The following PPP6R3 variants were observed in gnomAD, a reference collection of about 807,000 sequenced individuals.
The protein encoded by PPP6R3 is serine/threonine-protein phosphatase 6 regulatory subunit 3.
A neutral mutation model predicts 110.7 loss-of-function variants in PPP6R3; 38 were observed. The observed-to-expected ratio is 0.34, with a 90% confidence interval of 0.26 to 0.45. PPP6R3 has a LOEUF of 0.45. Among genes scored for constraint, PPP6R3 ranks in the 20% least tolerant of loss-of-function variants. PPP6R3 has a pLI of 1.00. For synonymous variants in PPP6R3, 369 were observed against 373.5 expected, an observed-to-expected ratio of 0.99 and a Z score of 0.14; for missense variants, 870 against 1,062.4, an observed-to-expected ratio of 0.82 and a Z score of 2.52.
At chr11:68,551,924 C>A (rs2099382467) in intron 6 of PPP6R3, among the ~76,000 whole-genome samples, 1 of 152,192 alleles carries the variant, frequency 6.6e-6, no homozygotes, top group Admixed American at 6.5e-5. Context: ...CTTTGTTATA[C>A]TTCCTAGCCG....
chr11:68,521,454 A>G (rs2153578213), intron 2 of PPP6R3, among the ~76,000 whole-genome samples: 2 of 152,148 alleles, frequency 1.3e-5, no homozygotes, highest in East Asian at 3.9e-4. Context: ...CAGCTTGTGG[A>G]ACAATTTCTT....
chr11:68,531,324 T>TTTAG (rs1306196738), intron 2 of PPP6R3, among the ~76,000 whole-genome samples: 1 of 148,008 alleles, frequency 6.8e-6, no homozygotes, highest in Non-Finnish European at 1.5e-5. Flanking sequence ...TATTTATTTA[T>TTTAG]TTATTTATTT....
In PPP6R3 at chr11:68,560,042, A is replaced by G. The variant is rs2153729354; in HGVS notation, c.845+1363A>G. On this transcript the variant is annotated intron_variant, in intron 8 of 23. Coordinates refer to ENST00000393800, the MANE Select transcript of PPP6R3 (RefSeq NM_001164161.2). ...CATGCTACAAGGCCATCATTGCATT[A>G]TGGAATGCTGTTAAAGCAGTAGAAG... is the stretch of plus-strand genomic sequence containing the variant. Among the ~76,000 whole-genome samples, 3 of 152,314 alleles carry G rather than the reference A, an allele frequency of 2.0e-5. No homozygotes were observed. In the South Asian group the frequency reaches 6.2e-4, roughly 32 times the overall value.
intron 1 of PPP6R3, among the ~76,000 whole-genome samples, chr11:68,477,741 A>AAAAAAAAATATATATATATAT: frequency 8.6e-5 from 5 of 57,908 alleles, no homozygotes; most frequent in African/African-American, 3.6e-4. Context: ...AAAAAAAAAA[A>AAAAAAAAATATATATATATAT]ATATATATAT....
At chr11:68,597,006 T>G (rs950169399) in intron 19 of PPP6R3, among the ~76,000 whole-genome samples, 3 of 152,148 alleles carry the variant, frequency 2.0e-5, no homozygotes, top group Non-Finnish European at 2.9e-5. Flanking sequence ...AGAAGAGAGA[T>G]CTTCTTTCTG....
In PPP6R3 at chr11:68,524,165, C is replaced by T. The variant is rs542312098; in HGVS notation, c.-7+4514C>T. Reference sequence around the variant, plus strand: ...CAGGGCGCCTCCAATTGAGGGGCCTCTCATGAAGCCACAGACCTCATCTTT... The same window carrying T: ...CAGGGCGCCTCCAATTGAGGGGCCTTTCATGAAGCCACAGACCTCATCTTT... On this transcript the variant is annotated intron_variant, in intron 2 of 23. Coordinates refer to ENST00000393800, the MANE Select transcript of PPP6R3 (RefSeq NM_001164161.2). Among the ~76,000 whole-genome samples, 4 of 152,328 alleles carry T rather than the reference C, an allele frequency of 2.6e-5. No individual in the cohort carries two copies. The South Asian group carries it at 6.2e-4, about 24-fold the overall frequency.
chr11:68,532,399 C>T (rs1243569979), intron 2 of PPP6R3, among the ~76,000 whole-genome samples: 1 of 152,222 alleles, frequency 6.6e-6, no homozygotes, highest in Non-Finnish European at 1.5e-5. Flanking sequence ...GACCTGCTTT[C>T]TTAATCTTAG....
intron 1 of PPP6R3, among the ~76,000 whole-genome samples, chr11:68,495,797 A>G (rs915673425): frequency 2.6e-5 from 4 of 152,176 alleles, no homozygotes; most frequent in Non-Finnish European, 5.9e-5. Flanking sequence ...GTAGACATTT[A>G]TGTACAAATT....
In PPP6R3 at chr11:68,528,560, A is replaced by G. The variant is rs147798354; in HGVS notation, c.-7+8909A>G. ...TTATTGAGAGCTGCTTTTAAAGACC[A>G]GCTGCTTTTACTCCTTTGTGTTCCA... On this transcript the variant is annotated intron_variant, in intron 2 of 23. Coordinates refer to ENST00000393800, the MANE Select transcript of PPP6R3 (RefSeq NM_001164161.2). Among the ~76,000 whole-genome samples, 516 of 152,274 alleles carry G rather than the reference A, an allele frequency of 3.4e-3. 2 individuals carry two copies. The highest frequency in any genetic ancestry group is 0.012 in the African/African-American group (492 of 41,550).
chr11:68,585,991 C>T (rs1488172024), intron 15 of PPP6R3, among the ~76,000 whole-genome samples: 2 of 151,960 alleles, frequency 1.3e-5, no homozygotes, highest in East Asian at 1.9e-4. Flanking sequence ...GAGCTGGCTG[C>T]GATGGCATGC....
chr11:68,549,187 G>A (rs7927120), intron 5 of PPP6R3, among the ~76,000 whole-genome samples: 5 of 152,296 alleles, frequency 3.3e-5, no homozygotes, highest in South Asian at 2.1e-4. Context: ...CACTGCTCCC[G>A]GTCCCCCTCC....
chr11:68,460,936 G>C (rs1177602442), intron 1 of PPP6R3, 109 bp downstream of exon 1: 1 of 151,650 alleles, frequency 6.6e-6, no homozygotes, highest in East Asian at 1.9e-4. Context: ...GGGAGGGAAC[G>C]TCCCGGCCCC....
rs1025064525 is a variant in PPP6R3, at chr11:68,613,518, C to T, written c.*401C>T. The T allele has an allele frequency of 1.7e-5, 17 of 988,142 alleles. No individual in the cohort carries two copies. In the South Asian group the frequency reaches 2.8e-4, roughly 16 times the overall value. 61.2% of individuals were successfully genotyped at this position (988,142 alleles called of 1,614,324 possible). ...TTATTAGTGTGACCAAAGTATTAGG[C>T]GGTTTTCATACATTTTTCACCTTGT... On this transcript the variant is annotated 3_prime_UTR_variant, in exon 24 of 24. Coordinates refer to ENST00000393800, the MANE Select transcript of PPP6R3 (RefSeq NM_001164161.2).
At chr11:68,493,348 T>C (rs1172829619) in intron 1 of PPP6R3, among the ~76,000 whole-genome samples, 1 of 152,172 alleles carries the variant, frequency 6.6e-6, no homozygotes, top group Non-Finnish European at 1.5e-5. Flanking sequence ...ATCACTATTA[T>C]TCTTTGTATA....
intron 2 of PPP6R3, among the ~76,000 whole-genome samples, chr11:68,528,619 G>A (rs1230637844): frequency 1.3e-5 from 2 of 152,076 alleles, no homozygotes; most frequent in African/African-American, 4.8e-5. Flanking sequence ...ATTTCCCTGG[G>A]CATTGAGCTT....
At chr11:68,552,165 A>G (rs74764709) in intron 6 of PPP6R3, among the ~76,000 whole-genome samples, 1 of 136,008 alleles carries the variant, frequency 7.4e-6, no homozygotes, top group Non-Finnish European at 1.7e-5. Flanking sequence ...ACCTACAGAC[A>G]TGATAGTTCT....
chr11:68,505,720 A>G (rs2099072516), intron 1 of PPP6R3, among the ~76,000 whole-genome samples: 4 of 152,198 alleles, frequency 2.6e-5, no homozygotes, highest in African/African-American at 2.4e-5. Flanking sequence ...ACAAAAAACC[A>G]GCTCCTTTGC....
Position 68,540,781 on chromosome 11 carries a change from C to T in PPP6R3, c.227+2890C>T, listed in dbSNP as rs371455838. The stretch of plus-strand genomic sequence containing the variant: ...GAAAAAGAATTGAGCGATATTTCTC[C>T]CATTTGCTTTTGAAAGAAGAGAAAT... On this transcript the variant is annotated intron_variant, in intron 3 of 23. Coordinates refer to ENST00000393800, the MANE Select transcript of PPP6R3 (RefSeq NM_001164161.2). Among the ~76,000 whole-genome samples, 6 of 152,296 alleles carry T rather than the reference C, an allele frequency of 3.9e-5. No individual in the cohort carries two copies. The East Asian group carries it at 9.6e-4, about 24-fold the overall frequency.
Position 68,591,637 on chromosome 11 carries a change from G to T in PPP6R3, c.1847G>T (p.Gly616Val). ...AGAATACAACAGTTTGATGATGGTG[G>T]CTCTGATGAGGAAGATATATGGGAG... is the stretch of plus-strand genomic sequence containing the variant. The part of the protein sequence containing the change: ...KERIQQFDDG[G>V]SDEEDIWEEK... Residue 616 changes from glycine (G) to valine (V), a missense_variant, in exon 18 of 24, where the codon GGC becomes GTC. Transcript: ENST00000393800. 6.2e-7 allele frequency: 1 copy of T among 1,613,242 alleles called. No homozygotes were observed. Among genetic ancestry groups the T allele is most frequent in the South Asian group, 1.1e-5 (1 of 90,904 alleles).
Sources: gnomAD v4.1 joint callset for allele counts (sites outside exome capture counted in the v4.1 genomes callset) on GRCh38, gnomAD v4.1.1 for gene constraint, MANE v1.5 for transcripts, NCBI Gene and HGNC (gene_info 2026-07-23, HGNC 2026-07-21) for gene names.